APBA2: variants seen among roughly 807,000 people sequenced by gnomAD.
APBA2 encodes amyloid-beta A4 precursor protein-binding family A member 2.
Under a neutral mutation model 75.0 loss-of-function variants are expected in APBA2, and 30 were observed. The ratio of observed to expected loss-of-function variants is 0.40; its 90% confidence interval spans 0.30 to 0.54. The LOEUF (loss-of-function observed/expected upper bound fraction) is 0.54. APBA2 is among the 20% of genes least tolerant of loss of function. The pLI, the probability that APBA2 is intolerant of heterozygous loss-of-function variation, is 0.49. For synonymous variants in APBA2, 444 were observed against 409.6 expected (o/e 1.08, Z -1.01); for missense variants, 801 against 1,016.1 (o/e 0.79, Z 2.88).
chr15:29,047,412 G>T lies in APBA2; in HGVS notation c.-40-6433G>T, dbSNP rs144830661. ...TACCAGTCCACAGCCAAGCCATATT[G>T]CAGCCTGAGGCAACAGGAAAAATCA... is the stretch of plus-strand genomic sequence containing the variant. On this transcript the variant is annotated intron_variant, in intron 3 of 14. Transcript: ENST00000683413. 3.2e-3 allele frequency among the ~76,000 whole-genome samples: 486 copies of T among 152,288 alleles called. 4 individuals are homozygous for T. Among genetic ancestry groups the T allele is most frequent in the African/African-American group, 0.011 (453 of 41,558 alleles).
chr15:29,056,659 CTCTCTT>C (rs1473538707), intron 4 of APBA2, among the ~76,000 whole-genome samples: 7 of 135,404 alleles, frequency 5.2e-5, no homozygotes, highest in Admixed American at 1.6e-4. Context: ...CTCTCTCTCT[CTCTCTT>C]TCTTTCTTTC....
At chr15:28,888,733 G>A (rs2031926290) in intron 1 of APBA2, among the ~76,000 whole-genome samples, 1 of 152,192 alleles carries the variant, frequency 6.6e-6, no homozygotes, top group Non-Finnish European at 1.5e-5. Context: ...AGAGTGGAGA[G>A]AGCTCTGGGC....
chr15:28,994,301 T>C (rs2878830), intron 2 of APBA2, among the ~76,000 whole-genome samples: 48,859 of 152,042 alleles, frequency 0.32, 13,734 homozygotes, highest in African/African-American at 0.74. Context: ...AAGCAGCCCA[T>C]GCTGACTCCA....
intron 4 of APBA2, among the ~76,000 whole-genome samples, chr15:29,065,090 G>A (rs956951608): frequency 1.3e-4 from 20 of 152,046 alleles, no homozygotes; most frequent in Non-Finnish European, 4.4e-5. Flanking sequence ...GGGTGTCTAG[G>A]GCAGATTGTG....
chr15:29,055,668 A>AGTGT (rs57671107), intron 4 of APBA2, among the ~76,000 whole-genome samples: 2,528 of 127,490 alleles, frequency 0.02, 38 homozygotes, highest in East Asian at 0.052. Context: ...CATGAATTTG[A>AGTGT]GTGTGTGTGT....
chr15:28,890,980 CTG>C (rs902284122), intron 1 of APBA2, among the ~76,000 whole-genome samples: 86 of 152,222 alleles, frequency 5.6e-4, no homozygotes, highest in African/African-American at 2.0e-3. Flanking sequence ...GGTGCTATGT[CTG>C]TTGTTTTGTG....
intron 1 of APBA2, among the ~76,000 whole-genome samples, chr15:28,891,763 A>T (rs571089765): frequency 6.6e-6 from 1 of 152,342 alleles, no homozygotes; most frequent in South Asian, 2.1e-4. Context: ...AACACTATTG[A>T]CATTTGGCAT....
intron 4 of APBA2, among the ~76,000 whole-genome samples, chr15:29,069,794 A>G (rs2042540140): frequency 6.6e-6 from 1 of 152,260 alleles, no homozygotes; most frequent in African/African-American, 2.4e-5. Context: ...AGGCCTGGCC[A>G]TGTGGGCCCA....
At chr15:29,038,665 AT>A (rs67217686) in intron 3 of APBA2, among the ~76,000 whole-genome samples, 6,565 of 105,332 alleles carry the variant, frequency 0.062, 142 homozygotes, top group East Asian at 0.17. Flanking sequence ...ATATGCAGGC[AT>A]TTTTTTTTTT....
intron 1 of APBA2, among the ~76,000 whole-genome samples, chr15:28,915,207 G>GTATACCACACACCACACACATAC (rs2152657737): frequency 0.036 from 65 of 1,812 alleles, no homozygotes; most frequent in East Asian, 0.052. Flanking sequence ...CACACACATA[G>GTATACCACACACCACACACATAC]CGCATACACA....
chr15:29,038,387 C>T (rs1005921073), intron 3 of APBA2, among the ~76,000 whole-genome samples: 14 of 152,266 alleles, frequency 9.2e-5, no homozygotes, highest in Admixed American at 6.5e-4. Flanking sequence ...GGATTGAAAC[C>T]GTAGGTCATC....
At chr15:29,035,730 A>G (rs1340387835) in intron 3 of APBA2, among the ~76,000 whole-genome samples, 1 of 152,158 alleles carries the variant, frequency 6.6e-6, no homozygotes, top group African/African-American at 2.4e-5. Flanking sequence ...CAGCAGCCTC[A>G]GCATCCCCTG....
chr15:28,962,756 T>G (rs1055602234), intron 2 of APBA2, among the ~76,000 whole-genome samples: 1 of 152,084 alleles, frequency 6.6e-6, no homozygotes, highest in Admixed American at 6.6e-5. Context: ...TATTTCCCAT[T>G]GCTCTTCCAC....
intron 13 of APBA2, among the ~76,000 whole-genome samples, chr15:29,113,613 T>C (rs1354457928): frequency 6.6e-6 from 1 of 152,150 alleles, no homozygotes; most frequent in South Asian, 2.1e-4. Context: ...GGAGCGGCCC[T>C]GGGGGAGGTG....
chr15:28,917,924 C>T (rs574889354), intron 1 of APBA2, among the ~76,000 whole-genome samples: 6 of 152,190 alleles, frequency 3.9e-5, no homozygotes, highest in Admixed American at 6.5e-5. Flanking sequence ...ATCCTGCCCC[C>T]GCCCCATTCT....
At chr15:29,065,114 T>C (rs992157758) in intron 4 of APBA2, among the ~76,000 whole-genome samples, 4 of 151,970 alleles carry the variant, frequency 2.6e-5, no homozygotes, top group Admixed American at 2.0e-4. Context: ...AGTGAGAGCA[T>C]TGGGTATGGG....
intron 2 of APBA2, among the ~76,000 whole-genome samples, chr15:28,950,690 G>A (rs527575816): frequency 2.0e-5 from 3 of 152,184 alleles, no homozygotes; most frequent in East Asian, 1.9e-4. Context: ...TCCCTGGAAG[G>A]AGGTCGATGT....
At chr15:28,980,678 G>C (rs1180717657) in intron 2 of APBA2, among the ~76,000 whole-genome samples, 2 of 152,168 alleles carry the variant, frequency 1.3e-5, no homozygotes, top group Admixed American at 1.3e-4. Flanking sequence ...TTTTCACAGA[G>C]CTAGAAAAAA....
At chr15:29,090,764 G>T (rs550333543) in intron 6 of APBA2, among the ~76,000 whole-genome samples, 13 of 152,304 alleles carry the variant, frequency 8.5e-5, no homozygotes, top group Non-Finnish European at 1.5e-4. Context: ...GGCTTCACTG[G>T]GGGGTGCCTG....
Sources: allele counts gnomAD v4.1 joint callset (sites outside exome capture counted in the v4.1 genomes callset), GRCh38; gene constraint gnomAD v4.1.1; transcripts MANE v1.5; gene names NCBI Gene and HGNC (gene_info 2026-07-23, HGNC 2026-07-21).